ZNF407: variants seen among roughly 807,000 people sequenced by gnomAD.
ZNF407 encodes zinc finger protein 407.
In ZNF407, 17 loss-of-function variants were observed where a neutral mutation model predicts 131.2. The ratio of observed to expected loss-of-function variants is 0.13; its 90% confidence interval spans 0.09 to 0.19. The LOEUF (loss-of-function observed/expected upper bound fraction) is 0.19. Ranked by LOEUF, ZNF407 falls within the 10% of genes least tolerant of loss-of-function variation. The pLI is 1.00. For synonymous variants in ZNF407, 1,156 were observed against 1,062.0 expected (o/e 1.09, Z -1.72); for missense variants, 2,681 against 2,830.6 (o/e 0.95, Z 1.20).
At chr18:75,033,521 C>G (rs775470370) in intron 8 of ZNF407, among the ~76,000 whole-genome samples, 2 of 152,176 alleles carry the variant, frequency 1.3e-5, no homozygotes, top group Admixed American at 1.3e-4. Context: ...GACACTCCGT[C>G]CCTTGTGGGG....
intron 3 of ZNF407, among the ~76,000 whole-genome samples, chr18:74,733,092 A>G (rs973006063): frequency 3.3e-5 from 5 of 152,126 alleles, no homozygotes; most frequent in African/African-American, 9.6e-5. Flanking sequence ...TAAGTTATCA[A>G]TTAAAATACT....
chr18:74,927,854 C>T (rs937961318), intron 8 of ZNF407, among the ~76,000 whole-genome samples: 11 of 152,120 alleles, frequency 7.2e-5, no homozygotes, highest in African/African-American at 2.2e-4. Flanking sequence ...TTCATACATA[C>T]ATATTAGTGT....
intron 8 of ZNF407, among the ~76,000 whole-genome samples, chr18:75,010,117 C>T (rs758024112): frequency 3.9e-5 from 6 of 152,156 alleles, no homozygotes; most frequent in African/African-American, 9.7e-5. Flanking sequence ...CTGAAAATCA[C>T]GCTAGTAGTC....
At chr18:74,950,910 C>G (rs1244910451) in intron 8 of ZNF407, among the ~76,000 whole-genome samples, 1 of 152,156 alleles carries the variant, frequency 6.6e-6, no homozygotes, top group Non-Finnish European at 1.5e-5. Flanking sequence ...TTGTTTTGAC[C>G]TTTTGCTACT....
chr18:74,954,542 A>C (rs749615086), intron 8 of ZNF407, among the ~76,000 whole-genome samples: 7 of 152,236 alleles, frequency 4.6e-5, no homozygotes, highest in Non-Finnish European at 8.8e-5. Context: ...TAATCATGCA[A>C]TAATTATTAA....
intron 1 of ZNF407, among the ~76,000 whole-genome samples, chr18:74,625,050 G>A (rs1402374852): frequency 6.6e-6 from 1 of 152,186 alleles, no homozygotes; most frequent in Non-Finnish European, 1.5e-5. Context: ...CAATGCATGA[G>A]TACATTTGTA....
chr18:74,761,559 T>C (rs1969096792), intron 3 of ZNF407, among the ~76,000 whole-genome samples: 1 of 152,204 alleles, frequency 6.6e-6, no homozygotes, highest in Non-Finnish European at 1.5e-5. Context: ...AATATTGCTA[T>C]ATATTATTTC....
intron 7 of ZNF407, among the ~76,000 whole-genome samples, chr18:74,902,301 G>A (rs542344754): frequency 3.3e-5 from 5 of 152,276 alleles, no homozygotes; most frequent in South Asian, 2.1e-4. Context: ...TACAACCTGC[G>A]CACAGCAGTT....
chr18:74,838,642 A>G (rs564389128), intron 4 of ZNF407, among the ~76,000 whole-genome samples: 13 of 152,008 alleles, frequency 8.6e-5, no homozygotes, highest in Admixed American at 2.0e-4. Flanking sequence ...TTCTCTTTGC[A>G]TTGCTTTGTT....
chr18:75,064,428 T>G lies in ZNF407; in HGVS notation c.6707T>G (p.Ile2236Ser). 2 of 1,518,200 alleles carry G rather than the reference T, an allele frequency of 1.3e-6. No individual in the cohort carries two copies. 94.0% of individuals were successfully genotyped at this position (1,518,200 alleles called of 1,614,324 possible). Residue 2236 changes from isoleucine (I) to serine (S), a missense_variant, in exon 9 of 9, where the codon ATT becomes AGT. Ile to Ser is a moderately radical substitution (Grantham distance 142). Around this residue, in one of 6 missense-constraint regions of ZNF407, gnomAD observed 620 missense variants for 583.1 expected, o/e 1.06. Coordinates refer to ENST00000299687, the MANE Select transcript of ZNF407 (RefSeq NM_017757.3). ...GAGGGCTCCTCGGCCGCGGCGGCAA[T>G]TCAGAGCCAAAGAGAAAGCAGCGAA... is the stretch of plus-strand genomic sequence containing the variant. ...TQEGSSAAAA[I>S]QSQRESSELQ... is the part of the protein sequence containing the mutation.
At chr18:74,625,854 A>T (rs996900124) in intron 1 of ZNF407, among the ~76,000 whole-genome samples, 8 of 152,246 alleles carry the variant, frequency 5.3e-5, no homozygotes, top group African/African-American at 1.4e-4. Flanking sequence ...CTCTTGGGAT[A>T]TATGGCTGGA....
At chr18:74,649,406 T>A (rs1985125053) in intron 3 of ZNF407, among the ~76,000 whole-genome samples, 1 of 152,194 alleles carries the variant, frequency 6.6e-6, no homozygotes, top group Non-Finnish European at 1.5e-5. Context: ...TGTCAACACA[T>A]CTGGTAATTA....
intron 1 of ZNF407, among the ~76,000 whole-genome samples, chr18:74,598,840 G>A (rs985985972): frequency 4.6e-5 from 7 of 152,252 alleles, no homozygotes; most frequent in African/African-American, 1.7e-4. Context: ...TGCAGTGGCC[G>A]CTGACCTCTG....
chr18:74,818,310 C>T (rs1276802076), intron 4 of ZNF407, among the ~76,000 whole-genome samples: 1 of 152,122 alleles, frequency 6.6e-6, no homozygotes, highest in Admixed American at 6.5e-5. Flanking sequence ...CAAGTTGTCT[C>T]ATATTTGATT....
intron 1 of ZNF407, among the ~76,000 whole-genome samples, chr18:74,617,279 G>A (rs1387535184): frequency 6.6e-6 from 1 of 151,960 alleles, no homozygotes; most frequent in East Asian, 1.9e-4. Flanking sequence ...TATCATCTAA[G>A]AATAGGGATT....
In ZNF407 at chr18:74,893,423, G is replaced by C. The variant is rs149916653; in HGVS notation, c.5249+3385G>C. On this transcript the variant is annotated intron_variant, in intron 7 of 8. Transcript: ENST00000299687. ...TCACCATTCTGTGTACCTATGAATAGGCTTTCTTTTACTACTGAACAAAAG... is the reference window on the plus strand; with the variant it reads ...TCACCATTCTGTGTACCTATGAATACGCTTTCTTTTACTACTGAACAAAAG... Among the ~76,000 whole-genome samples the C allele has an allele frequency of 5.9e-5, 9 of 152,250 alleles. No individual in the cohort carries two copies. The East Asian group carries it at 1.7e-3, about 29-fold the overall frequency.
At chr18:74,724,361 T>C (rs974266733) in intron 3 of ZNF407, among the ~76,000 whole-genome samples, 1 of 152,176 alleles carries the variant, frequency 6.6e-6, no homozygotes, top group African/African-American at 2.4e-5. Context: ...TCTTCTTTTC[T>C]AGGTATTTTG....
intron 8 of ZNF407, among the ~76,000 whole-genome samples, chr18:75,043,512 C>T (rs2122244701): frequency 6.6e-6 from 1 of 152,310 alleles, no homozygotes; most frequent in African/African-American, 2.4e-5. Flanking sequence ...GCCTGCCTCC[C>T]TCCATCCCTC....
chr18:74,701,549 G>A (rs1449592437), intron 3 of ZNF407, among the ~76,000 whole-genome samples: 1 of 152,116 alleles, frequency 6.6e-6, no homozygotes, highest in East Asian at 1.9e-4. Flanking sequence ...GTACCAGAAA[G>A]CTTCTCTTGC....
Sources: allele counts gnomAD v4.1 joint callset (sites outside exome capture counted in the v4.1 genomes callset), GRCh38; gene constraint gnomAD v4.1.1; regional missense constraint gnomAD v4.1.1; transcripts MANE v1.5; gene names NCBI Gene and HGNC (gene_info 2026-07-23, HGNC 2026-07-21).